The following NIPBL variants were observed in gnomAD, a reference collection of about 807,000 sequenced individuals.
NIPBL encodes the protein nipped-B-like protein.
Under a neutral mutation model 321.8 loss-of-function variants are expected in NIPBL, and 19 were observed. The ratio of observed to expected loss-of-function variants is 0.06; its 90% CI spans 0.04 to 0.09. The LOEUF (loss-of-function observed/expected upper bound fraction) is 0.09, where lower values mean the gene tolerates loss of function less well. NIPBL is among the 10% of genes least tolerant of loss of function. The pLI is 1.00. For synonymous variants in NIPBL, 1,106 were observed against 1,114.1 expected, an observed-to-expected ratio of 0.99 and a Z score of 0.14; for missense variants, 2,210 against 3,327.0, an observed-to-expected ratio of 0.66 and a Z score of 8.26.
chr5:37,008,233 T>G (rs993354342), intron 19 of NIPBL, 145 bp downstream of exon 19: 2 of 637,782 alleles, frequency 3.1e-6, no homozygotes, highest in Admixed American at 2.8e-5. Context: ...TAAGTCTTAT[T>G]AGACTTTATT....
At chr5:37,036,292 A>G in intron 32 of NIPBL, 87 bp from the exon 33 acceptor site, 1 of 282,854 alleles carries the variant, frequency 3.5e-6, no homozygotes, top group Non-Finnish European at 6.5e-6. Flanking sequence ...TTATATTATT[A>G]TTGCCTAATG....
Position 37,008,102 on chromosome 5 carries a change from A to T in NIPBL, c.4320+14A>T. On this transcript the variant is annotated intron_variant, in intron 19 of 46. Coordinates refer to ENST00000282516, the MANE Select transcript of NIPBL (RefSeq NM_133433.4). ...TTAGTCACTGCAGTAAGTATAATCA[A>T]TTTGTATTTTTAGTTACCCCACAAA... 1.3e-6 allele frequency: 2 copies of T among 1,545,636 alleles called. No homozygotes were observed. Among genetic ancestry groups the T allele is most frequent in the Admixed American group, 3.3e-5 (2 of 59,822 alleles).
rs775881994 is a variant in NIPBL at position 37,022,097 on chromosome 5, C to T, written c.5375C>T (p.Ala1792Val). The T allele has an allele frequency of 6.2e-7, 1 of 1,614,092 alleles. No homozygotes were observed. The highest frequency in any genetic ancestry group is 1.7e-5 in the Admixed American group (1 of 60,016). ...GENAIAVRTK[A>V]MKCLSEVVAV... ...AATGCAATTGCTGTTCGAACAAAAGCCATGAAGTGTTTGTCTGAGGTTGTT... is the reference window on the plus strand; with the variant it reads ...AATGCAATTGCTGTTCGAACAAAAGTCATGAAGTGTTTGTCTGAGGTTGTT... The change falls in exon 28 of 47, where the codon GCC becomes GTC. Residue 1792 changes from alanine to valine, a missense_variant. Transcript: ENST00000282516.
intron 41 of NIPBL, 77 bp downstream of exon 41, chr5:37,051,963 C>A: frequency 1.0e-6 from 1 of 1,003,638 alleles, no homozygotes; most frequent in Non-Finnish European, 1.6e-6. Flanking sequence ...AATGCTCTGC[C>A]CACATTCATA....
chr5:36,878,113 G>A (rs756822155), intron 1 of NIPBL, among the ~76,000 whole-genome samples: 2 of 152,178 alleles, frequency 1.3e-5, no homozygotes, highest in African/African-American at 2.4e-5. Context: ...TGAGATACGG[G>A]TAAAACCACT....
chr5:37,006,932 G>C (rs932630535), intron 17 of NIPBL, among the ~76,000 whole-genome samples: 1 of 151,890 alleles, frequency 6.6e-6, no homozygotes, highest in African/African-American at 2.4e-5. Context: ...TTATAAATGA[G>C]CAATGAAATG....
At chr5:37,036,821 A>G (rs1335548059) in intron 33 of NIPBL, among the ~76,000 whole-genome samples, 1 of 151,940 alleles carries the variant, frequency 6.6e-6, no homozygotes, top group Non-Finnish European at 1.5e-5. Context: ...ACTCATCACA[A>G]AACTGATATC....
intron 1 of NIPBL, among the ~76,000 whole-genome samples, chr5:36,951,848 C>T (rs544439523): frequency 3.9e-5 from 6 of 152,004 alleles, no homozygotes; most frequent in African/African-American, 1.4e-4. Context: ...AATGTTTTTT[C>T]CCTTAGCTGG....
intron 8 of NIPBL, among the ~76,000 whole-genome samples, chr5:36,972,810 G>A (rs1743015656): frequency 1.0e-5 from 1 of 95,910 alleles, no homozygotes; most frequent in Admixed American, 1.1e-4. Context: ...AATCTAACCT[G>A]TTCTGTTAAT....
intron 16 of NIPBL, among the ~76,000 whole-genome samples, chr5:37,005,458 G>A (rs1747320218): frequency 6.6e-6 from 1 of 152,126 alleles, no homozygotes; most frequent in African/African-American, 2.4e-5. Context: ...AACCGTAACA[G>A]TATTTAATAT....
At chr5:37,056,005 C>T (rs1011223084) in intron 42 of NIPBL, among the ~76,000 whole-genome samples, 2 of 151,854 alleles carry the variant, frequency 1.3e-5, no homozygotes, top group African/African-American at 4.8e-5. Flanking sequence ...GTGGGGAAGA[C>T]ATGGGAGGAG....
chr5:37,029,690 T>C (rs182394979), intron 32 of NIPBL, among the ~76,000 whole-genome samples: 116 of 152,356 alleles, frequency 7.6e-4, no homozygotes, highest in Admixed American at 3.0e-3. Flanking sequence ...AAAGTTCCGG[T>C]TGCTCCACAT....
intron 24 of NIPBL, 67 bp from the exon 25 acceptor site, chr5:37,019,244 A>G: frequency 9.9e-7 from 1 of 1,010,062 alleles, no homozygotes; most frequent in Non-Finnish European, 1.6e-6. Flanking sequence ...ATTTGTGTTT[A>G]CAATTAGGTG....
intron 1 of NIPBL, among the ~76,000 whole-genome samples, chr5:36,906,232 A>T (rs1157138494): frequency 6.6e-6 from 1 of 152,202 alleles, no homozygotes; most frequent in Non-Finnish European, 1.5e-5. Flanking sequence ...GCTAATATGT[A>T]ATATGTAGTA....
intron 1 of NIPBL, 30 bp from the exon 2 acceptor site, chr5:36,953,588 A>G (rs2149597353): frequency 1.1e-6 from 1 of 894,062 alleles, no homozygotes. Context: ...ACATATCTCT[A>G]CAAATAATTG....
At chr5:37,059,764 A>G (rs1754470014) in intron 44 of NIPBL, among the ~76,000 whole-genome samples, 1 of 152,214 alleles carries the variant, frequency 6.6e-6, no homozygotes, top group Admixed American at 6.5e-5. Context: ...TTACAAGTTT[A>G]AGTTTTTAAA....
rs147490589 is a variant in NIPBL at position 37,008,588 on chromosome 5, T to C, written c.4321-35T>C. Reference sequence around the variant, plus strand: ...TTATTTTTTGGTTTGTTTTCTATTATAAGTTTAACTTGGAATCTTATAATT... The same window carrying C: ...TTATTTTTTGGTTTGTTTTCTATTACAAGTTTAACTTGGAATCTTATAATT... On this transcript the variant is annotated intron_variant, in intron 19 of 46. Coordinates refer to ENST00000282516, the MANE Select transcript of NIPBL (RefSeq NM_133433.4). 21,947 of 1,068,478 alleles carry C rather than the reference T, an allele frequency of 0.021. 299 individuals are homozygous for C. The highest frequency in any genetic ancestry group is 0.026 in the Non-Finnish European group (17,699 of 687,960). 66.2% of individuals were successfully genotyped at this position (1,068,478 alleles called of 1,614,324 possible). A position where few individuals can be genotyped will look rare whatever the true frequency, so the allele number is the denominator to read the frequency against.
intron 1 of NIPBL, among the ~76,000 whole-genome samples, chr5:36,952,775 T>C (rs1168737151): frequency 2.6e-5 from 4 of 152,220 alleles, no homozygotes; most frequent in Admixed American, 2.6e-4. Flanking sequence ...TTATGTGACT[T>C]GTAAGAAACA....
intron 4 of NIPBL, among the ~76,000 whole-genome samples, chr5:36,959,788 A>G (rs1741398505): frequency 1.3e-5 from 2 of 152,240 alleles, no homozygotes. Flanking sequence ...TTTGTGTTTT[A>G]TACTACATAT....
Sources: allele counts gnomAD v4.1 joint callset (sites outside exome capture counted in the v4.1 genomes callset), GRCh38; gene constraint gnomAD v4.1.1; transcripts MANE v1.5; gene names NCBI Gene and HGNC (gene_info 2026-07-23, HGNC 2026-07-21).